ANKRD11: variants seen among roughly 807,000 people sequenced by gnomAD.
ANKRD11 encodes the protein ankyrin repeat domain-containing protein 11.
A neutral mutation model predicts 195.7 loss-of-function variants in ANKRD11; 17 were observed. The observed-to-expected ratio is 0.09, with a 90% confidence interval of 0.06 to 0.13. The LOEUF is 0.13. ANKRD11 is among the 10% of genes least tolerant of loss of function. The probability of loss-of-function intolerance (pLI) is 1.00; values close to 1 mark genes in which losing one functional copy is unlikely to be tolerated. For missense variants in ANKRD11, 3,735 were observed against 3,566.1 expected, an observed-to-expected ratio of 1.05 and a Z score of -1.21; for synonymous variants, 1,953 against 1,528.1, an observed-to-expected ratio of 1.28 and a Z score of -6.49.
At chr16:89,320,826 C>T (rs953963525) in intron 2 of ANKRD11, among the ~76,000 whole-genome samples, 2 of 152,250 alleles carry the variant, frequency 1.3e-5, no homozygotes, top group Non-Finnish European at 2.9e-5. Context: ...CCGTCCTTGC[C>T]CTGTGCCTCT....
rs549847877 is a variant in ANKRD11, at chr16:89,451,996, C to G, written c.-144-33628G>C. Among the ~76,000 whole-genome samples, 7 of 152,182 alleles carry G rather than the reference C, an allele frequency of 4.6e-5. No individual in the cohort carries two copies. In the East Asian group the frequency reaches 5.8e-4, roughly 13 times the overall value. ...CATTTGCGCCGGGTGCAGTGTCTCA[C>G]GTCTATAATCCCAGAACTTTGGGAG... is the stretch of plus-strand genomic sequence containing the variant. On this transcript the variant is annotated intron_variant, in intron 1 of 12. Coordinates refer to ENST00000301030, the MANE Select transcript of ANKRD11 (RefSeq NM_013275.6).
At chr16:89,276,103 G>C (rs1195546610) in intron 9 of ANKRD11, among the ~76,000 whole-genome samples, 3 of 152,232 alleles carry the variant, frequency 2.0e-5, no homozygotes, top group Non-Finnish European at 4.4e-5. Context: ...GGGCCAGTCA[G>C]CAACAGGAGC....
chr16:89,302,306 G>A (rs1004356786), intron 4 of ANKRD11, among the ~76,000 whole-genome samples: 1 of 152,194 alleles, frequency 6.6e-6, no homozygotes, highest in Non-Finnish European at 1.5e-5. Context: ...AGGCTGGAGT[G>A]CAATGGCGCA....
chr16:89,424,810 G>C (rs1014824204), intron 1 of ANKRD11, among the ~76,000 whole-genome samples: 2 of 152,166 alleles, frequency 1.3e-5, no homozygotes, highest in African/African-American at 4.8e-5. Flanking sequence ...GAACTATTCA[G>C]CACCGCAACA....
rs2035092856 is a variant in ANKRD11 at position 89,291,987 on chromosome 16, GGCACA to G, written c.227-809_227-805del. On this transcript the variant is annotated intron_variant, in intron 4 of 12. Transcript: ENST00000301030. This position sits in a 1 kb window ranked among gnomAD's most constrained non-coding sequence, Gnocchi z 5.3. ...AAGACCCCAAGCACCAAGAGTCGGGGGCACAGAAGATGCCTCCTCCTCTGCCTGAC... is the reference window on the plus strand; with the variant it reads ...AAGACCCCAAGCACCAAGAGTCGGGGGAAGATGCCTCCTCCTCTGCCTGAC... Among the ~76,000 whole-genome samples, 1 of 152,196 alleles carries G rather than the reference GGCACA, an allele frequency of 6.6e-6. No individual in the cohort carries two copies. Among genetic ancestry groups the G allele is most frequent in the Admixed American group, 6.5e-5 (1 of 15,286 alleles).
Position 89,283,586 on chromosome 16 carries a change from T to C in ANKRD11, c.2956A>G (p.Lys986Glu). Residue 986 changes from lysine to glutamate, a missense_variant, in exon 9 of 13, where the codon AAG (lysine) becomes GAG (glutamate). Coordinates refer to ENST00000301030, the MANE Select transcript of ANKRD11 (RefSeq NM_013275.6). The surrounding 1 kb of genome is among the most constrained non-coding windows in gnomAD (Gnocchi z 4.3). Reference sequence around the variant, plus strand: ...CCAAAGTCGCCGTCGGACTTGTCCTTGAAGCCACTCTCGCAGCCACACTCC... The same window carrying C: ...CCAAAGTCGCCGTCGGACTTGTCCTCGAAGCCACTCTCGCAGCCACACTCC... Reference protein sequence around the residue: ...LKECGCESGFKDKSDGDFGKG... With the variant: ...LKECGCESGFEDKSDGDFGKG... 6.2e-7 allele frequency: 1 copy of C among 1,610,422 alleles called. No homozygotes were observed. The highest frequency in any genetic ancestry group is 8.5e-7 in the Non-Finnish European group (1 of 1,180,020).
intron 3 of ANKRD11, among the ~76,000 whole-genome samples, chr16:89,312,355 G>C (rs2036653226): frequency 6.6e-6 from 1 of 152,184 alleles, no homozygotes; most frequent in African/African-American, 2.4e-5. Context: ...AGGAGATGAG[G>C]ACAGTGTGTT....
chr16:89,410,833 G>A (rs2042084058), intron 2 of ANKRD11, among the ~76,000 whole-genome samples: 2 of 152,220 alleles, frequency 1.3e-5, no homozygotes, highest in Non-Finnish European at 2.9e-5. Context: ...AGGGGGTGGG[G>A]AGTGGCCAAC....
At chr16:89,290,567 G>A (rs1213683973) in intron 6 of ANKRD11, 58 bp downstream of exon 6, 1 of 1,590,980 alleles carries the variant, frequency 6.3e-7, no homozygotes, top group Non-Finnish European at 8.5e-7. Flanking sequence ...GACTCCACTG[G>A]GGGAGGCTCA....
At chr16:89,321,894 C>T (rs1328093290) in intron 2 of ANKRD11, among the ~76,000 whole-genome samples, 4 of 152,192 alleles carry the variant, frequency 2.6e-5, no homozygotes, top group African/African-American at 4.8e-5. Context: ...GCCTCCTCAA[C>T]GTGAAAACCC....
intron 1 of ANKRD11, among the ~76,000 whole-genome samples, chr16:89,433,530 T>TA (rs1463594588): frequency 1.3e-5 from 2 of 152,070 alleles, no homozygotes; most frequent in Non-Finnish European, 2.9e-5. Context: ...AAGGCCTCCC[T>TA]AAAGGAGCAG....
At chr16:89,300,572 G>A (rs2035787885) in intron 4 of ANKRD11, 1 of 377,252 alleles carries the variant, frequency 2.7e-6, no homozygotes, top group East Asian at 5.3e-5. Flanking sequence ...CTCTAGCACT[G>A]GGCAAGGTCT....
At chr16:89,485,583 A>G (rs981063755) in intron 1 of ANKRD11, among the ~76,000 whole-genome samples, 6 of 152,190 alleles carry the variant, frequency 3.9e-5, no homozygotes, top group Non-Finnish European at 8.8e-5. Context: ...CAAATACCCT[A>G]GCCCCTTACT....
intron 1 of ANKRD11, among the ~76,000 whole-genome samples, chr16:89,482,560 TA>T (rs2057478496): frequency 6.6e-6 from 1 of 152,176 alleles, no homozygotes; most frequent in Non-Finnish European, 1.5e-5. Context: ...GAACTGAGGT[TA>T]CTAATCAGCA....
chr16:89,286,321 G>T, intron 7 of ANKRD11, 135 bp from the exon 8 acceptor site: 1 of 1,284,956 alleles, frequency 7.8e-7, no homozygotes, highest in Non-Finnish European at 1.1e-6. Flanking sequence ...TGAGGGTGTG[G>T]GAGCCGAGCG....
At chr16:89,458,475 C>T (rs181681632) in intron 1 of ANKRD11, among the ~76,000 whole-genome samples, 7 of 152,312 alleles carry the variant, frequency 4.6e-5, no homozygotes, top group African/African-American at 9.6e-5. Flanking sequence ...CCGCCCATCT[C>T]GGCCTCCCAA....
intron 1 of ANKRD11, among the ~76,000 whole-genome samples, chr16:89,445,115 T>C (rs2043725420): frequency 6.6e-6 from 1 of 152,196 alleles, no homozygotes; most frequent in Non-Finnish European, 1.5e-5. Context: ...GAAGTCCCCA[T>C]CTCTCCACGG....
chr16:89,419,850 C>A (rs946924685), intron 1 of ANKRD11, among the ~76,000 whole-genome samples: 1 of 152,072 alleles, frequency 6.6e-6, no homozygotes, highest in African/African-American at 2.4e-5. Flanking sequence ...CAGGATTGTT[C>A]AAAGCTGCCA....
intron 2 of ANKRD11, among the ~76,000 whole-genome samples, chr16:89,362,786 C>A (rs138987717): frequency 0.015 from 2,232 of 152,216 alleles, 52 homozygotes; most frequent in African/African-American, 0.051. Context: ...TGTTCCTCTT[C>A]CTTAGTTGAA....
Sources: gnomAD v4.1 joint callset for allele counts (sites outside exome capture counted in the v4.1 genomes callset) on GRCh38, gnomAD v4.1.1 for gene constraint, Gnocchi (gnomAD v3.1) non-coding constraint, MANE v1.5 for transcripts, NCBI Gene and HGNC (gene_info 2026-07-23, HGNC 2026-07-21) for gene names.